PCDHGA10: variants seen among roughly 807,000 people sequenced by gnomAD.
PCDHGA10 encodes the protein protocadherin gamma-A10.
PCDHGA10 carries 42 observed loss-of-function variants against 59.5 expected under a neutral mutation model. That is an observed-to-expected ratio of 0.71 (90% confidence interval 0.55 to 0.91). The LOEUF is 0.91. Among genes scored for constraint, PCDHGA10 ranks in the 40% least tolerant of loss-of-function variants. The pLI is 0.00. For missense variants in PCDHGA10, 1,111 were observed against 1,198.2 expected (o/e 0.93, Z 1.07); for synonymous variants, 511 against 517.2 (o/e 0.99, Z 0.16).
At position 141,486,348 on chromosome 5, in the gene PCDHGA10, A is replaced by G. The variant is rs754981437; in HGVS notation, c.2437-8459A>G. ...GATGTGAGCCTCCGCATTCCTGACC[A>G]CTTGCCATTTGCCCTCAAGTCTGCC... is the stretch of plus-strand genomic sequence containing the variant. On this transcript the variant is annotated intron_variant, in intron 1 of 3. Transcript: ENST00000398610. The surrounding 1 kb of genome is among the most constrained non-coding windows in gnomAD (Gnocchi z 5.0). 1.9e-6 allele frequency: 3 copies of G among 1,613,900 alleles called. No individual in the cohort carries two copies. The highest frequency in any genetic ancestry group is 2.5e-6 in the Non-Finnish European group (3 of 1,179,996).
intron 1 of PCDHGA10, chr5:141,421,930 G>T (rs780569992): frequency 3.1e-6 from 5 of 1,613,480 alleles, no homozygotes; most frequent in Non-Finnish European, 4.2e-6. Context: ...GGTGGTCCTC[G>T]ATGTAAATGA....
At chr5:141,455,239 G>A (rs1034181635) in intron 1 of PCDHGA10, among the ~76,000 whole-genome samples, 1 of 151,898 alleles carries the variant, frequency 6.6e-6, no homozygotes, top group African/African-American at 2.4e-5. Context: ...AAATGTTAAA[G>A]GTCATAGTAC....
intron 1 of PCDHGA10, chr5:141,427,774 G>T: frequency 1.4e-6 from 2 of 1,420,908 alleles, no homozygotes; most frequent in Non-Finnish European, 2.0e-6. Context: ...TTGGAGCTGC[G>T]GGCACTGTCG....
chr5:141,487,616 G>A lies in PCDHGA10; in HGVS notation c.2437-7191G>A. On this transcript the variant is annotated intron_variant, in intron 1 of 3. Transcript: ENST00000398610. This position sits in a 1 kb window ranked among gnomAD's most constrained non-coding sequence, Gnocchi z 5.0. ...CTCTGATCTTCTCTATGGGCTAGAG[G>A]TGAGACCTTTGCAGGCTCAACAAAT... 2 of 1,614,220 alleles carry A rather than the reference G, an allele frequency of 1.2e-6. No homozygotes were observed. The highest frequency in any genetic ancestry group is 1.7e-6 in the Non-Finnish European group (2 of 1,180,044).
chr5:141,455,897 T>C (rs1330516646), intron 1 of PCDHGA10, among the ~76,000 whole-genome samples: 1 of 149,800 alleles, frequency 6.7e-6, no homozygotes, highest in African/African-American at 2.4e-5. Flanking sequence ...ATTTATTTAT[T>C]TATTTATTTA....
chr5:141,476,725 C>G lies in PCDHGA10; in HGVS notation c.2437-18082C>G. On this transcript the variant is annotated intron_variant, in intron 1 of 3. Coordinates refer to ENST00000398610, the MANE Select transcript of PCDHGA10 (RefSeq NM_018913.3). This position sits in a 1 kb window ranked among gnomAD's most constrained non-coding sequence, Gnocchi z 7.6. ...AGCTGGTGTTGGAGCGCGCCCTGGA[C>G]CGAGAACGGGAGCCTAGTCTCCAGT... The G allele has an allele frequency of 6.2e-7, 1 of 1,614,132 alleles. No homozygotes were observed. Among genetic ancestry groups the G allele is most frequent in the Non-Finnish European group, 8.5e-7 (1 of 1,180,038 alleles).
chr5:141,510,847 A>C (rs1279701390), intron 3 of PCDHGA10, 100 bp from the exon 4 acceptor site: 1 of 1,595,232 alleles, frequency 6.3e-7, no homozygotes, highest in Non-Finnish European at 8.6e-7. Context: ...GTCAAGGCCC[A>C]GGGTGCTGTA....
chr5:141,431,553 A>T lies in PCDHGA10; in HGVS notation c.2436+15942A>T, dbSNP rs762863300. On this transcript the variant is annotated intron_variant, in intron 1 of 3. Coordinates refer to ENST00000398610, the MANE Select transcript of PCDHGA10 (RefSeq NM_018913.3). The surrounding 1 kb of genome is among the most constrained non-coding windows in gnomAD (Gnocchi z 4.8). Reference sequence around the variant, plus strand: ...TTGGGCACGCAGCTGCTTGTAGTCAACGCTACCGACCCTGACGAAGGAGTC... The same window carrying T: ...TTGGGCACGCAGCTGCTTGTAGTCATCGCTACCGACCCTGACGAAGGAGTC... The T allele has an allele frequency of 1.1e-5, 18 of 1,613,994 alleles. 1 individual carries two copies. Among genetic ancestry groups the T allele is most frequent in the Non-Finnish European group, 3.4e-6 (4 of 1,180,028 alleles).
Position 141,511,703 on chromosome 5 carries a change from T to G in PCDHGA10, c.*530T>G, listed in dbSNP as rs148447880. On this transcript the variant is annotated 3_prime_UTR_variant, in exon 4 of 4. Coordinates refer to ENST00000398610, the MANE Select transcript of PCDHGA10 (RefSeq NM_018913.3). ...AAAGCATGGTTTGGTGCCAGCCCCT[T>G]CACCTCCTTCCAGAGCCCAAGATCA... The G allele has an allele frequency of 1.1e-4, 21 of 189,942 alleles. No homozygotes were observed. In the East Asian group the frequency reaches 2.4e-3, roughly 22 times the overall value. 11.8% of individuals were successfully genotyped at this position (189,942 alleles called of 1,614,324 possible).
chr5:141,427,955 G>A (rs749241312), intron 1 of PCDHGA10: 1 of 1,587,202 alleles, frequency 6.3e-7, no homozygotes, highest in Non-Finnish European at 8.6e-7. Context: ...ATGACAATGT[G>A]CCGCGGGTGC....
intron 1 of PCDHGA10, chr5:141,429,222 T>C (rs897099159): frequency 6.6e-6 from 1 of 151,494 alleles, no homozygotes; most frequent in Non-Finnish European, 1.5e-5. Context: ...AAAGTGGGTA[T>C]TATGATACTG....
rs759873920 is a variant in PCDHGA10 at position 141,415,453 on chromosome 5, G to A, written c.2278G>A (p.Glu760Lys). The change falls in exon 1 of 4, where the codon GAG becomes AAG. Residue 760 changes from glutamate to lysine, a missense_variant. Physicochemically the swap from Glu to Lys is moderately conservative, Grantham distance 56. Coordinates refer to ENST00000398610, the MANE Select transcript of PCDHGA10 (RefSeq NM_018913.3). ...VRAFLQTYSH[E>K]VSLTADSRKS... ...GGCTTTCCTGCAGACCTATTCCCAC[G>A]AGGTCTCTCTCACCGCGGACTCGCG... The A allele has an allele frequency of 1.9e-6, 3 of 1,614,176 alleles. No homozygotes were observed.
intron 1 of PCDHGA10, among the ~76,000 whole-genome samples, chr5:141,459,678 G>A (rs1240789253): frequency 2.0e-5 from 3 of 152,184 alleles, no homozygotes; most frequent in African/African-American, 7.2e-5. Flanking sequence ...CATGAGCAAT[G>A]CATAAAGCGT....
In PCDHGA10 at chr5:141,476,352, T is replaced by C. The variant is rs2099389565; in HGVS notation, c.2437-18455T>C. The C allele has an allele frequency of 1.2e-6, 2 of 1,613,826 alleles. No individual in the cohort carries two copies. Among genetic ancestry groups the C allele is most frequent in the African/African-American group, 1.3e-5 (1 of 74,852 alleles). On this transcript the variant is annotated intron_variant, in intron 1 of 3. Transcript: ENST00000398610. The surrounding 1 kb of genome is among the most constrained non-coding windows in gnomAD (Gnocchi z 7.6). ...GGAGCTAGCCGAAGATTCTTTGAGG[T>C]GAACCGGGAGACCGGAGAGATGTTT...
At position 141,415,285 on chromosome 5, in the gene PCDHGA10, G is replaced by T; in HGVS notation, c.2110G>T (p.Val704Phe). Residue 704 changes from valine (V) to phenylalanine (F), a missense_variant, in exon 1 of 4, where the codon GTC becomes TTC. Coordinates refer to ENST00000398610, the MANE Select transcript of PCDHGA10 (RefSeq NM_018913.3). The part of the protein sequence containing the change: ...TLYLVVAVAA[V>F]SCVFLAFVIV... ...GTACCTGGTGGTAGCGGTGGCCGCG[G>T]TCTCCTGCGTCTTCCTGGCCTTCGT... 6.2e-7 allele frequency: 1 copy of T among 1,614,216 alleles called. No homozygotes were observed.
chr5:141,438,180 A>G (rs2097937602), intron 1 of PCDHGA10, among the ~76,000 whole-genome samples: 1 of 152,204 alleles, frequency 6.6e-6, no homozygotes, highest in African/African-American at 2.4e-5. Context: ...AATATTTTAT[A>G]AAGGATGAGA....
chr5:141,422,414 A>G (rs2096646645), intron 1 of PCDHGA10: 1 of 1,604,894 alleles, frequency 6.2e-7, no homozygotes, highest in Admixed American at 1.7e-5. Context: ...TTTAAATTAG[A>G]AAAGACTTAT....
At position 141,432,818 on chromosome 5, in the gene PCDHGA10, T is replaced by C. The variant is rs370597280; in HGVS notation, c.2436+17207T>C. On this transcript the variant is annotated intron_variant, in intron 1 of 3. Transcript: ENST00000398610. This position sits in a 1 kb window ranked among gnomAD's most constrained non-coding sequence, Gnocchi z 6.0. The stretch of plus-strand genomic sequence containing the variant: ...CGAGTCTCCAGCTAACTCTGAAACC[T>C]CAGACCTCACTCTGTACCTGGTGGT... 9.9e-6 allele frequency: 16 copies of C among 1,614,106 alleles called. No individual in the cohort carries two copies. The highest frequency in any genetic ancestry group is 1.4e-5 in the Non-Finnish European group (16 of 1,179,986).
chr5:141,435,951 G>A (rs371199258), intron 1 of PCDHGA10, among the ~76,000 whole-genome samples: 1 of 152,100 alleles, frequency 6.6e-6, no homozygotes, highest in Non-Finnish European at 1.5e-5. Context: ...ACCAAAAAAG[G>A]GGGCAAAATA....
Sources: gnomAD v4.1 joint callset for allele counts (sites outside exome capture counted in the v4.1 genomes callset) on GRCh38, gnomAD v4.1.1 for gene constraint, Gnocchi (gnomAD v3.1) non-coding constraint, MANE v1.5 for transcripts, NCBI Gene and HGNC (gene_info 2026-07-23, HGNC 2026-07-21) for gene names.